The following CLCF1 variants were observed in gnomAD, a reference collection of about 807,000 sequenced individuals.
CLCF1 encodes cardiotrophin like cytokine factor 1.
CLCF1 carries 10 observed loss-of-function variants against 21.2 expected under a neutral mutation model. The observed-to-expected ratio is 0.47, with a 90% CI of 0.29 to 0.80. The LOEUF is 0.80. Among genes scored for constraint, CLCF1 ranks in the 30% least tolerant of loss-of-function variants. The pLI is 0.09. For missense variants in CLCF1, 240 were observed against 293.4 expected, an observed-to-expected ratio of 0.82 and a Z score of 1.33; for synonymous variants, 115 against 120.5, an observed-to-expected ratio of 0.95 and a Z score of 0.30.
At chr11:67,367,709 C>G (rs1033768746) in intron 1 of CLCF1, 83 bp from the exon 2 acceptor site, 192 of 1,550,680 alleles carry the variant, frequency 1.2e-4, no homozygotes, top group Non-Finnish European at 1.2e-4. Flanking sequence ...GTGTCTGTCC[C>G]CACCTTGGGC....
Position 67,370,048 on chromosome 11 carries a change from G to A in CLCF1, c.17-2422C>T, listed in dbSNP as rs1363868478. On this transcript the variant is annotated intron_variant, in intron 1 of 2. Coordinates refer to ENST00000312438, the MANE Select transcript of CLCF1 (RefSeq NM_013246.3). ...GCAGGGGAGAACAGAAGGATCCGACGGCCCACAGAACCAGAAAGAGGGAAG... is the reference window on the plus strand; with the variant it reads ...GCAGGGGAGAACAGAAGGATCCGACAGCCCACAGAACCAGAAAGAGGGAAG... 5.1e-6 allele frequency: 5 copies of A among 985,190 alleles called. No homozygotes were observed. In the African/African-American group the frequency reaches 5.2e-5, roughly 10 times the overall value. 61.0% of individuals were successfully genotyped at this position (985,190 alleles called of 1,614,324 possible).
rs1170084527 is a variant in CLCF1 at position 67,372,216 on chromosome 11, T to C, written c.16+1308A>G. 1.3e-5 allele frequency among the ~76,000 whole-genome samples: 2 copies of C among 151,808 alleles called. No homozygotes were observed. Among genetic ancestry groups the C allele is most frequent in the Non-Finnish European group, 2.9e-5 (2 of 67,930 alleles). On this transcript the variant is annotated intron_variant, in intron 1 of 2. Coordinates refer to ENST00000312438, the MANE Select transcript of CLCF1 (RefSeq NM_013246.3). This position sits in a 1 kb window ranked among gnomAD's most constrained non-coding sequence, Gnocchi z 5.9. ...CCCAGTGCCCCCCACCCCTAGCCTC[T>C]CTCCAAGGCTTAGCCTCCACCCGCC...
At position 67,365,567 on chromosome 11, in the gene CLCF1, TC is replaced by T; in HGVS notation, c.246del (p.Thr83LeufsTer21). On this transcript the variant is annotated frameshift_variant, in exon 3 of 3. Transcript: ENST00000312438. LOFTEE classifies it high-confidence loss of function. The surrounding 1 kb of genome is among the most constrained non-coding windows in gnomAD (Gnocchi z 5.0). ...AAGTCAACAGTGGCCCTGGGCAGAGTCTCTGCCCCCAGGCGGGGAGGGTTGA... is the reference window on the plus strand; with the variant it reads ...AAGTCAACAGTGGCCCTGGGCAGAGTTCTGCCCCCAGGCGGGGAGGGTTGA... ...PDFNPPRLGA[E>X]TLPRATVDLE... 1.9e-6 allele frequency: 3 copies of T among 1,613,684 alleles called. No individual in the cohort carries two copies. Among genetic ancestry groups the T allele is most frequent in the Non-Finnish European group, 2.5e-6 (3 of 1,179,742 alleles).
intron 1 of CLCF1, chr11:67,371,184 C>A: frequency 1.7e-6 from 1 of 571,834 alleles, no homozygotes. Flanking sequence ...ATCTTCCTTC[C>A]ACCCTCTGGG....
chr11:67,365,528 T>C lies in CLCF1; in HGVS notation c.286A>G (p.Ser96Gly). 1 of 1,614,074 alleles carries C rather than the reference T, an allele frequency of 6.2e-7. No individual in the cohort carries two copies. Among genetic ancestry groups the C allele is most frequent in the East Asian group, 2.2e-5 (1 of 44,888 alleles). Residue 96 changes from serine to glycine, a missense_variant, in exon 3 of 3, where the codon AGC becomes GGC. Ser to Gly is a moderately conservative substitution (Grantham distance 56). Transcript: ENST00000312438. The surrounding 1 kb of genome is among the most constrained non-coding windows in gnomAD (Gnocchi z 5.0). ...GTCAGCCGCAGTTTGTCATTGAGGC[T>C]TCGCCACACCTCCAAGTCAACAGTG... Reference protein sequence around the residue: ...RATVDLEVWRSLNDKLRLTQN... With the variant: ...RATVDLEVWRGLNDKLRLTQN...
At position 67,372,499 on chromosome 11, in the gene CLCF1, C is replaced by T. The variant is rs1280330703; in HGVS notation, c.16+1025G>A. ...CGGCGGCGGTTGCCAGCTGGCCCTC[C>T]CTGCTGGCGGTGACCTCTCGCTCTG... On this transcript the variant is annotated intron_variant, in intron 1 of 2. Coordinates refer to ENST00000312438, the MANE Select transcript of CLCF1 (RefSeq NM_013246.3). This position sits in a 1 kb window ranked among gnomAD's most constrained non-coding sequence, Gnocchi z 5.9. Among the ~76,000 whole-genome samples, 2 of 151,928 alleles carry T rather than the reference C, an allele frequency of 1.3e-5. No homozygotes were observed. Among genetic ancestry groups the T allele is most frequent in the Middle Eastern group, 3.2e-3 (1 of 314 alleles).
rs3837416 is a variant in CLCF1, at chr11:67,370,611, A to AACAC, written c.16+2909_16+2912dup. 1.6e-4 allele frequency: 149 copies of AACAC among 952,816 alleles called. No individual in the cohort carries two copies. In the African/African-American group the frequency reaches 2.1e-3, roughly 14 times the overall value. 59.0% of individuals were successfully genotyped at this position (952,816 alleles called of 1,614,324 possible). A position where few individuals can be genotyped will look rare whatever the true frequency, so the allele number is the denominator to read the frequency against. On this transcript the variant is annotated intron_variant, in intron 1 of 2. Coordinates refer to ENST00000312438, the MANE Select transcript of CLCF1 (RefSeq NM_013246.3). ...CCTAGGAACCAAGGCTCTCCTCATG[A>AACAC]ACACACACACACACACACACTCTCT...
At chr11:67,374,011 GT>G (rs1305594218), upstream of CLCF1, 8 of 838,706 alleles carry the variant, frequency 9.5e-6, no homozygotes, top group African/African-American at 4.4e-4. Flanking sequence ...CCTGCCCCCT[GT>G]CCCCTGCCGA....
intron 1 of CLCF1, among the ~76,000 whole-genome samples, chr11:67,373,163 C>T (rs1432618521): frequency 6.6e-6 from 1 of 151,828 alleles, no homozygotes; most frequent in Non-Finnish European, 1.5e-5. Flanking sequence ...AGCCCCTCCT[C>T]CCACCCGCAG....
intron 2 of CLCF1, among the ~76,000 whole-genome samples, chr11:67,366,301 A>G (rs369497841): frequency 6.6e-6 from 1 of 152,146 alleles, no homozygotes; most frequent in African/African-American, 2.4e-5. Flanking sequence ...AGGGCAGTGG[A>G]GTGAAGCAAA....
At chr11:67,366,549 G>A (rs2134877189) in intron 2 of CLCF1, among the ~76,000 whole-genome samples, 1 of 152,270 alleles carries the variant, frequency 6.6e-6, no homozygotes, top group East Asian at 1.9e-4. Context: ...TAGGGAAGAG[G>A]GCAGAGCCCT....
chr11:67,370,117 AG>A lies in CLCF1; in HGVS notation c.17-2492del, dbSNP rs888164397. ...GGGAGAAGAGGTTAGGAGAAAAGAA[AG>A]GGGGGGTAGAAGGACAGGGCTCTGC... is the stretch of plus-strand genomic sequence containing the variant. On this transcript the variant is annotated intron_variant, in intron 1 of 2. Transcript: ENST00000312438. 2.6e-5 allele frequency: 26 copies of A among 985,310 alleles called. No homozygotes were observed. The Admixed American group carries it at 4.9e-4, about 19-fold the overall frequency. 61.0% of individuals were successfully genotyped at this position (985,310 alleles called of 1,614,324 possible).
chr11:67,367,699 G>C, intron 1 of CLCF1, 73 bp from the exon 2 acceptor site: 1 of 1,562,860 alleles, frequency 6.4e-7, no homozygotes, highest in Non-Finnish European at 8.6e-7. Flanking sequence ...AGCCCCTCAG[G>C]TGTCTGTCCC....
Position 67,373,550 on chromosome 11 carries a change from C to A in CLCF1, c.-11G>T. 10 of 1,383,734 alleles carry A rather than the reference C, an allele frequency of 7.2e-6. No homozygotes were observed. The highest frequency in any genetic ancestry group is 9.4e-6 in the Non-Finnish European group (10 of 1,068,844). The allele number at this position is 1,383,734 out of a possible 1,614,324, so 85.7% of individuals were successfully genotyped here. A position where few individuals can be genotyped will look rare whatever the true frequency, so the allele number is the denominator to read the frequency against. The stretch of plus-strand genomic sequence containing the variant: ...TGCTCGGAGGTCCATGGGGCTGGGG[C>A]CGGGCCGGCCGGGTGCGGCTCCTCT... On this transcript the variant is annotated 5_prime_UTR_variant, in exon 1 of 3. Coordinates refer to ENST00000312438, the MANE Select transcript of CLCF1 (RefSeq NM_013246.3).
intron 1 of CLCF1, chr11:67,370,207 A>AGCAG: frequency 1.0e-6 from 1 of 985,382 alleles, no homozygotes; most frequent in Non-Finnish European, 1.2e-6. Flanking sequence ...CAGGAGGGAA[A>AGCAG]GCAGCGTGGG....
At chr11:67,366,717 G>C (rs1488595732) in intron 2 of CLCF1, among the ~76,000 whole-genome samples, 1 of 152,082 alleles carries the variant, frequency 6.6e-6, no homozygotes, top group Non-Finnish European at 1.5e-5. Context: ...AATTTCCTCG[G>C]TGTATCCTGG....
chr11:67,370,339 A>G, intron 1 of CLCF1: 1 of 985,268 alleles, frequency 1.0e-6, no homozygotes, highest in Non-Finnish European at 1.2e-6. Flanking sequence ...CATGTTGTGC[A>G]GGTGGACCCC....
At chr11:67,373,498 C>T in intron 1 of CLCF1, 26 bp downstream of exon 1, 3 of 1,247,202 alleles carry the variant, frequency 2.4e-6, no homozygotes, top group Non-Finnish European at 3.3e-6. Context: ...GGGCGGGGGT[C>T]GGGGCCTCGG....
At chr11:67,371,827 TGGCTGGTGTGCAGGGGTGGCGTGCAG>T in intron 1 of CLCF1, among the ~76,000 whole-genome samples, 1 of 151,830 alleles carries the variant, frequency 6.6e-6, no homozygotes, top group Non-Finnish European at 1.5e-5. Context: ...AGTGAGCCAG[TGGCTGGTGTGCAGGGGTGGCGTGCAG>T]GGGTGGTGTG....
Sources: gnomAD v4.1 joint callset for allele counts (sites outside exome capture counted in the v4.1 genomes callset) on GRCh38, gnomAD v4.1.1 for gene constraint, Gnocchi (gnomAD v3.1) non-coding constraint, MANE v1.5 for transcripts, NCBI Gene and HGNC (gene_info 2026-07-23, HGNC 2026-07-21) for gene names.